Variants in SLC16A7 observed in about 807,000 individuals in gnomAD.
SLC16A7 encodes solute carrier family 16 member 7.
Under a neutral mutation model 34.9 loss-of-function variants are expected in SLC16A7, and 33 were observed. The observed-to-expected ratio is 0.94, with a 90% CI of 0.72 to 1.26. The LOEUF is 1.26. Ranked by LOEUF, SLC16A7 falls within the 50% of genes most tolerant of loss-of-function variation. The probability of loss-of-function intolerance (pLI) is 0.00; values close to 1 mark genes in which losing one functional copy is unlikely to be tolerated. For missense variants in SLC16A7, 573 were observed against 578.1 expected, an observed-to-expected ratio of 0.99 and a Z score of 0.09; for synonymous variants, 201 against 206.6, an observed-to-expected ratio of 0.97 and a Z score of 0.23.
chr12:59,642,261 C>T (rs549249892), intron 1 of SLC16A7, among the ~76,000 whole-genome samples: 7 of 151,940 alleles, frequency 4.6e-5, no homozygotes, highest in Non-Finnish European at 8.8e-5. Context: ...GTCCTGTTAG[C>T]CCATTGATTC....
intron 3 of SLC16A7, among the ~76,000 whole-genome samples, chr12:59,766,152 A>G (rs914859556): frequency 3.3e-5 from 5 of 152,088 alleles, no homozygotes; most frequent in African/African-American, 1.2e-4. Flanking sequence ...GGTGTATAGG[A>G]ATGCTTGTGA....
In SLC16A7 at chr12:59,716,324, G is replaced by A. The variant is rs373596834; in HGVS notation, c.217+11306G>A. On this transcript the variant is annotated intron_variant, in intron 3 of 5. Transcript: ENST00000547379. ...TGTGCATTCTTGGAAGGCTGAAATG[G>A]AATAAAACCGTTAAATAGAACTCCG... Among the ~76,000 whole-genome samples, 193 of 152,226 alleles carry A rather than the reference G, an allele frequency of 1.3e-3. 4 individuals are homozygous for A. The South Asian group carries it at 0.02, about 16-fold the overall frequency.
chr12:59,613,164 A>G (rs897234936), intron 1 of SLC16A7, among the ~76,000 whole-genome samples: 1 of 152,240 alleles, frequency 6.6e-6, no homozygotes, highest in Non-Finnish European at 1.5e-5. Flanking sequence ...ACTTACAACT[A>G]TGGTGGAAGG....
At chr12:59,722,668 C>G (rs1295865494) in intron 3 of SLC16A7, among the ~76,000 whole-genome samples, 1 of 151,830 alleles carries the variant, frequency 6.6e-6, no homozygotes, top group East Asian at 1.9e-4. Context: ...TTTAAAAATG[C>G]CCTCATTTCT....
At chr12:59,744,303 AGAG>A (rs1284823276) in intron 3 of SLC16A7, among the ~76,000 whole-genome samples, 1 of 152,106 alleles carries the variant, frequency 6.6e-6, no homozygotes. Context: ...CTGGCAGAGA[AGAG>A]GAGAAGCAGC....
chr12:59,669,094 A>G (rs934665387), intron 2 of SLC16A7, among the ~76,000 whole-genome samples: 1 of 152,168 alleles, frequency 6.6e-6, no homozygotes, highest in Admixed American at 6.5e-5. Flanking sequence ...ACGGACTAAT[A>G]CAGAGAGTAT....
At chr12:59,739,863 T>A (rs1175178290) in intron 3 of SLC16A7, among the ~76,000 whole-genome samples, 5 of 152,260 alleles carry the variant, frequency 3.3e-5, no homozygotes, top group African/African-American at 1.2e-4. Flanking sequence ...TGTCTGTTCA[T>A]GTCCTTCACC....
chr12:59,703,710 A>G (rs961780134), intron 2 of SLC16A7, among the ~76,000 whole-genome samples: 13 of 152,012 alleles, frequency 8.6e-5, no homozygotes, highest in Non-Finnish European at 1.9e-4. Context: ...CTACTGGGTG[A>G]GTATAGTTAG....
chr12:59,700,622 A>G (rs1350270046), intron 2 of SLC16A7, among the ~76,000 whole-genome samples: 1 of 151,176 alleles, frequency 6.6e-6, no homozygotes, highest in Non-Finnish European at 1.5e-5. Flanking sequence ...AAATTTAGGA[A>G]CACATACACA....
chr12:59,787,170 T>C lies in SLC16A7; in HGVS notation c.*7491T>C, dbSNP rs747942211. 6 of 152,172 alleles carry C rather than the reference T, an allele frequency of 3.9e-5. No individual in the cohort carries two copies. Among genetic ancestry groups the C allele is most frequent in the Non-Finnish European group, 7.4e-5 (5 of 68,016 alleles). The allele number at this position is 152,172 out of a possible 1,614,324, so 9.4% of individuals were successfully genotyped here. ...GTTCCTTTTTATTTTAGAAGCAGTG[T>C]TCATTTTTTTCTGAAGTAGAACGCC... is the stretch of plus-strand genomic sequence containing the variant. On this transcript the variant is annotated 3_prime_UTR_variant, in exon 6 of 6. Transcript: ENST00000547379.
At chr12:59,615,601 T>G (rs185615297) in intron 1 of SLC16A7, among the ~76,000 whole-genome samples, 31 of 152,322 alleles carry the variant, frequency 2.0e-4, no homozygotes, top group African/African-American at 7.0e-4. Context: ...ACTATCACAC[T>G]GTATAGCAAC....
Position 59,774,689 on chromosome 12 carries a change from T to C in SLC16A7, c.394T>C (p.Leu132=), listed in dbSNP as rs1383834072. ...LGLAFNLQPA[L]TIIGKYFYRK... Reference sequence around the variant, plus strand: ...TTTAGCCTTCAACCTGCAACCCGCCTTAACCATAATTGGCAAATACTTCTA... The same window carrying C: ...TTTAGCCTTCAACCTGCAACCCGCCCTAACCATAATTGGCAAATACTTCTA... The change falls in exon 5 of 6, where the codon TTA becomes CTA. Residue 132 remains leucine (L), a synonymous_variant. Coordinates refer to ENST00000547379, the MANE Select transcript of SLC16A7 (RefSeq NM_001270623.2). 6.2e-7 allele frequency: 1 copy of C among 1,602,752 alleles called. No individual in the cohort carries two copies. Among genetic ancestry groups the C allele is most frequent in the Non-Finnish European group, 8.5e-7 (1 of 1,176,402 alleles).
At chr12:59,753,375 G>A (rs189076777) in intron 3 of SLC16A7, among the ~76,000 whole-genome samples, 2,583 of 152,228 alleles carry the variant, frequency 0.017, 55 homozygotes, top group African/African-American at 0.057. Context: ...CATGTGCAGA[G>A]ACACACATAG....
chr12:59,767,229 T>G (rs1240206642), intron 3 of SLC16A7, among the ~76,000 whole-genome samples: 1 of 151,742 alleles, frequency 6.6e-6, no homozygotes, highest in Non-Finnish European at 1.5e-5. Flanking sequence ...AGAAGCCATC[T>G]TGCTAACATA....
chr12:59,601,697 G>T (rs1235732655), intron 1 of SLC16A7, among the ~76,000 whole-genome samples: 1 of 152,174 alleles, frequency 6.6e-6, no homozygotes, highest in African/African-American at 2.4e-5. Context: ...AGTTCTAGAG[G>T]CTGGAAATCT....
At chr12:59,686,457 A>G (rs1266976662) in intron 2 of SLC16A7, among the ~76,000 whole-genome samples, 2 of 152,090 alleles carry the variant, frequency 1.3e-5, no homozygotes, top group Non-Finnish European at 2.9e-5. Flanking sequence ...ACATAGGGTT[A>G]TATTTTTGCA....
chr12:59,767,062 G>T (rs1023663993), intron 3 of SLC16A7, among the ~76,000 whole-genome samples: 2 of 129,318 alleles, frequency 1.5e-5, no homozygotes, highest in African/African-American at 5.5e-5. Context: ...AGTCTTGCGA[G>T]GGTGTATGTG....
intron 3 of SLC16A7, among the ~76,000 whole-genome samples, chr12:59,747,861 G>C (rs948680297): frequency 6.6e-6 from 1 of 152,092 alleles, no homozygotes; most frequent in African/African-American, 2.4e-5. Flanking sequence ...CCTCCAACAC[G>C]GATCCTACAA....
At chr12:59,776,988 ATTC>A (rs754120942) in intron 5 of SLC16A7, among the ~76,000 whole-genome samples, 37 of 152,142 alleles carry the variant, frequency 2.4e-4, no homozygotes, top group Non-Finnish European at 3.2e-4. Context: ...TATCCACACA[ATTC>A]TTAGTGTAAA....
Sources: gnomAD v4.1 joint callset for allele counts (sites outside exome capture counted in the v4.1 genomes callset) on GRCh38, gnomAD v4.1.1 for gene constraint, MANE v1.5 for transcripts, NCBI Gene and HGNC (gene_info 2026-07-23, HGNC 2026-07-21) for gene names.